MINDY4: variants seen among roughly 807,000 people sequenced by gnomAD.
The protein encoded by MINDY4 is probable ubiquitin carboxyl-terminal hydrolase MINDY-4.
MINDY4 carries 68 observed loss-of-function variants against 87.0 expected under a neutral mutation model. That is an observed-to-expected ratio of 0.78 (90% CI 0.64 to 0.96). MINDY4 has a LOEUF of 0.96. MINDY4 is among the 40% of genes least tolerant of loss of function. The probability of loss-of-function intolerance (pLI) is 0.00; values close to 1 mark genes in which losing one functional copy is unlikely to be tolerated. For missense variants in MINDY4, 919 were observed against 928.2 expected (o/e 0.99, Z 0.13); for synonymous variants, 379 against 363.2 (o/e 1.04, Z -0.50).
At chr7:30,796,523 A>T (rs1787495846) in intron 5 of MINDY4, among the ~76,000 whole-genome samples, 1 of 152,238 alleles carries the variant, frequency 6.6e-6, no homozygotes, top group African/African-American at 2.4e-5. Flanking sequence ...AAGCATTTTA[A>T]AAAGCAGGGT....
intron 5 of MINDY4, among the ~76,000 whole-genome samples, chr7:30,807,839 T>C (rs1421288986): frequency 6.6e-6 from 1 of 152,250 alleles, no homozygotes; most frequent in Non-Finnish European, 1.5e-5. Flanking sequence ...ACGCGGACTC[T>C]GTTAGAATTG....
At chr7:30,788,359 G>A (rs982943930) in intron 4 of MINDY4, among the ~76,000 whole-genome samples, 1 of 152,156 alleles carries the variant, frequency 6.6e-6, no homozygotes, top group African/African-American at 2.4e-5. Context: ...GCACTTTGAA[G>A]TTTTTACCCC....
intron 13 of MINDY4, among the ~76,000 whole-genome samples, chr7:30,870,634 AT>A (rs1448628071): frequency 1.3e-5 from 2 of 152,212 alleles, no homozygotes; most frequent in East Asian, 3.8e-4. Flanking sequence ...TTCCCCAAGT[AT>A]TGTGGAGCTG....
intron 5 of MINDY4, among the ~76,000 whole-genome samples, chr7:30,806,273 G>A (rs766808052): frequency 2.6e-5 from 4 of 152,132 alleles, no homozygotes; most frequent in Admixed American, 6.5e-5. Flanking sequence ...AAAGGGCCCC[G>A]CTTTAGAATT....
rs750663746 is a variant in MINDY4 at position 30,850,409 on chromosome 7, C to T, written c.1446-45C>T. ...CTAAGTAGAGCTGCACCATCTCAAC[C>T]TTGTGTCCACATGGGCATAAATGCC... is the stretch of plus-strand genomic sequence containing the variant. On this transcript the variant is annotated intron_variant, in intron 9 of 17. Transcript: ENST00000265299. 3.9e-6 allele frequency: 6 copies of T among 1,541,354 alleles called. No individual in the cohort carries two copies. In the East Asian group the frequency reaches 9.3e-5, roughly 24 times the overall value.
intron 1 of MINDY4, among the ~76,000 whole-genome samples, chr7:30,773,298 A>G (rs113354867): frequency 1.3e-5 from 2 of 152,318 alleles, no homozygotes; most frequent in African/African-American, 4.8e-5. Flanking sequence ...AACAGTCCTG[A>G]AAGATAGGTA....
In MINDY4 at chr7:30,839,275, A is replaced by C. The variant is rs776450232; in HGVS notation, c.1315A>C (p.Ser439Arg). The change falls in exon 8 of 18, where the codon AGT becomes CGT. Residue 439 changes from serine to arginine, a missense_variant. Coordinates refer to ENST00000265299, the MANE Select transcript of MINDY4 (RefSeq NM_032222.3). The stretch of plus-strand genomic sequence containing the variant: ...ATGGAAACTTCAGAGTTTTTCCTTT[A>C]GTAACACAGCCTCATTAAAATACGG... Reference protein sequence around the residue: ...EEWKLQSFSFSNTASLKYGIV... With the variant: ...EEWKLQSFSFRNTASLKYGIV... 13 of 1,612,634 alleles carry C rather than the reference A, an allele frequency of 8.1e-6. No individual in the cohort carries two copies. The highest frequency in any genetic ancestry group is 1.3e-5 in the African/African-American group (1 of 74,996).
chr7:30,890,936 T>C (rs1790777016), intron 17 of MINDY4, among the ~76,000 whole-genome samples: 1 of 152,198 alleles, frequency 6.6e-6, no homozygotes, highest in African/African-American at 2.4e-5. Context: ...ATCCTCGACT[T>C]TCTGGATGTA....
chr7:30,772,539 G>A (rs1249648252), intron 1 of MINDY4, among the ~76,000 whole-genome samples: 3 of 152,074 alleles, frequency 2.0e-5, no homozygotes, highest in South Asian at 2.1e-4. Context: ...CCAAGCATTG[G>A]ATCTGACATA....
At chr7:30,822,427 T>C (rs2128561101) in intron 5 of MINDY4, among the ~76,000 whole-genome samples, 1 of 152,228 alleles carries the variant, frequency 6.6e-6, no homozygotes, top group Middle Eastern at 3.4e-3. Flanking sequence ...TGCCTCAGCC[T>C]CCTAAAGTGT....
At chr7:30,778,155 A>G (rs1008289415) in intron 1 of MINDY4, among the ~76,000 whole-genome samples, 48 of 152,202 alleles carry the variant, frequency 3.2e-4, no homozygotes, top group African/African-American at 1.1e-3. Context: ...AGCTTCATAT[A>G]CTATGGTTCC....
chr7:30,832,906 C>A (rs536481004), intron 6 of MINDY4, among the ~76,000 whole-genome samples: 2 of 152,314 alleles, frequency 1.3e-5, no homozygotes, highest in Admixed American at 1.3e-4. Context: ...ACTCTTATTA[C>A]CTTCCTTTCC....
chr7:30,886,671 C>T (rs1229587466), intron 17 of MINDY4, among the ~76,000 whole-genome samples: 3 of 152,242 alleles, frequency 2.0e-5, no homozygotes, highest in Non-Finnish European at 2.9e-5. Context: ...TTTGTTGCCT[C>T]GGTGACATTG....
intron 6 of MINDY4, among the ~76,000 whole-genome samples, chr7:30,836,432 G>C (rs1788859421): frequency 6.6e-6 from 1 of 152,234 alleles, no homozygotes; most frequent in African/African-American, 2.4e-5. Context: ...GGTATGAACA[G>C]AGCAGGGTTG....
chr7:30,800,160 C>T (rs1787604717), intron 5 of MINDY4, among the ~76,000 whole-genome samples: 2 of 152,148 alleles, frequency 1.3e-5, no homozygotes, highest in African/African-American at 4.8e-5. Context: ...ACACCTGTGG[C>T]CTCCATGTCA....
chr7:30,845,375 C>T (rs1315533295), intron 9 of MINDY4, among the ~76,000 whole-genome samples: 4 of 152,090 alleles, frequency 2.6e-5, no homozygotes, highest in South Asian at 2.1e-4. Context: ...CTCAGCTCCT[C>T]GGTTTCATTG....
intron 13 of MINDY4, among the ~76,000 whole-genome samples, chr7:30,870,507 C>T (rs1416410539): frequency 6.6e-6 from 1 of 152,206 alleles, no homozygotes; most frequent in Non-Finnish European, 1.5e-5. Flanking sequence ...CCAGAAGACC[C>T]CCAAGCCTTA....
intron 10 of MINDY4, 107 bp downstream of exon 10, chr7:30,850,662 G>C (rs946649024): frequency 8.3e-5 from 82 of 993,478 alleles, no homozygotes; most frequent in Non-Finnish European, 1.3e-4. Context: ...TACCCACCCT[G>C]TGCCACATGC....
At chr7:30,876,153 T>C (rs1790251985) in intron 15 of MINDY4, among the ~76,000 whole-genome samples, 2 of 152,212 alleles carry the variant, frequency 1.3e-5, no homozygotes, top group South Asian at 4.2e-4. Context: ...AATCCTTCCT[T>C]GTCTCTTCTA....
Sources: gnomAD v4.1 joint callset for allele counts (sites outside exome capture counted in the v4.1 genomes callset) on GRCh38, gnomAD v4.1.1 for gene constraint, MANE v1.5 for transcripts, NCBI Gene and HGNC (gene_info 2026-07-23, HGNC 2026-07-21) for gene names.